ATP11C: variants seen among roughly 807,000 people sequenced by gnomAD.
ATP11C encodes the protein ATPase phospholipid transporting 11C (ATP11C blood group), also known as phospholipid-transporting ATPase IG.
Under a neutral mutation model 97.4 loss-of-function variants are expected in ATP11C, and 36 were observed. That is an observed-to-expected ratio of 0.37 (90% CI 0.28 to 0.49). The LOEUF is 0.49. ATP11C is among the 20% of genes least tolerant of loss of function. ATP11C has a pLI of 0.98. For missense variants in ATP11C, 730 were observed against 824.6 expected (o/e 0.89, Z 1.40); for synonymous variants, 275 against 290.9 (o/e 0.95, Z 0.56).
upstream of ATP11C, among the ~76,000 whole-genome samples, chrX:139,935,954 C>A (rs1418529874): frequency 9.1e-6 from 1 of 109,871 alleles, no homozygotes. Flanking sequence ...CAAGATCGCG[C>A]CAGTACACTC....
chrX:139,863,899 A>T (rs1362786350), intron 1 of ATP11C, among the ~76,000 whole-genome samples: 2 of 109,986 alleles, frequency 1.8e-5, no homozygotes, highest in East Asian at 5.8e-4. Flanking sequence ...TCGTCACTAT[A>T]AAAAGTACAA....
intron 18 of ATP11C, among the ~76,000 whole-genome samples, chrX:139,780,086 G>C (rs569646809): frequency 1.8e-5 from 2 of 111,508 alleles, no homozygotes; most frequent in African/African-American, 6.5e-5. Flanking sequence ...CCCAGGACCA[G>C]AGAGATTAAC....
At chrX:139,836,389 C>T (rs1029591908) in intron 1 of ATP11C, among the ~76,000 whole-genome samples, 18 of 110,205 alleles carry the variant, frequency 1.6e-4, no homozygotes, top group African/African-American at 5.6e-4. Flanking sequence ...GTCACAGGTG[C>T]CTGTAATCCC....
chrX:139,771,292 C>T (rs909019035), intron 19 of ATP11C, among the ~76,000 whole-genome samples: 1 of 111,626 alleles, frequency 9.0e-6, no homozygotes, highest in East Asian at 2.8e-4. Flanking sequence ...TTTTGCCTCT[C>T]GCCTTGATTC....
In ATP11C at chrX:139,932,522, C is replaced by A. The variant is rs1417229386; in HGVS notation, c.-480G>T. On this transcript the variant is annotated 5_prime_UTR_variant, in exon 1 of 30. Transcript: ENST00000682941. ...GCCTCCCCGCTGGACTCCGCGGCCG[C>A]CCCCCTCGGGGCACGGGGAACCCTC... is the stretch of plus-strand genomic sequence containing the variant. The A allele has an allele frequency of 9.0e-6, 1 of 110,847 alleles. No individual in the cohort carries two copies. Among genetic ancestry groups the A allele is most frequent in the Non-Finnish European group, 1.9e-5 (1 of 52,498 alleles). The allele number at this position is 110,847 out of a possible 1,213,427, so 9.1% of individuals were successfully genotyped here.
At chrX:139,870,928 C>T (rs2084363456) in intron 1 of ATP11C, among the ~76,000 whole-genome samples, 1 of 108,053 alleles carries the variant, frequency 9.3e-6, no homozygotes, top group Non-Finnish European at 1.9e-5. Context: ...CGGTGGCGGG[C>T]GCCTGTAGTC....
intron 1 of ATP11C, among the ~76,000 whole-genome samples, chrX:139,839,475 T>G (rs1222366857): frequency 9.0e-6 from 1 of 111,673 alleles, no homozygotes; most frequent in African/African-American, 3.3e-5. Flanking sequence ...CAACCAATAT[T>G]TATTGAGCTC....
At chrX:139,900,167 G>A (rs1273273836) in intron 1 of ATP11C, among the ~76,000 whole-genome samples, 3 of 110,631 alleles carry the variant, frequency 2.7e-5, no homozygotes, top group South Asian at 3.9e-4. Flanking sequence ...TCGAGAGATC[G>A]AGACCATCCT....
chrX:139,799,644 C>G (rs1334197117), intron 8 of ATP11C, among the ~76,000 whole-genome samples: 1 of 60,368 alleles, frequency 1.7e-5, no homozygotes, highest in Non-Finnish European at 2.7e-5. Context: ...CTTTATATTC[C>G]TTTTTTTTTT....
chrX:139,934,732 T>C (rs1188108516), upstream of ATP11C, among the ~76,000 whole-genome samples: 4 of 109,947 alleles, frequency 3.6e-5, no homozygotes, highest in Admixed American at 3.9e-4. Context: ...TTTGTATTTT[T>C]AGTAGAGACG....
chrX:139,764,944 G>A (rs935706824), intron 20 of ATP11C, among the ~76,000 whole-genome samples: 18 of 111,763 alleles, frequency 1.6e-4, no homozygotes, highest in African/African-American at 4.6e-4. Flanking sequence ...CTACAATAAT[G>A]GTTAACTAAG....
At chrX:139,881,907 C>T (rs1275085099) in intron 1 of ATP11C, among the ~76,000 whole-genome samples, 5 of 112,099 alleles carry the variant, frequency 4.5e-5, no homozygotes, top group Non-Finnish European at 9.4e-5. Flanking sequence ...TCCTTTCCCC[C>T]ACTGTTTTGC....
intron 1 of ATP11C, among the ~76,000 whole-genome samples, chrX:139,904,441 T>A (rs1242342206): frequency 9.0e-6 from 1 of 110,529 alleles, no homozygotes; most frequent in Non-Finnish European, 1.9e-5. Flanking sequence ...GGCAGGAGAA[T>A]AGCTTGAACC....
At chrX:139,898,973 C>T (rs774889430) in intron 1 of ATP11C, among the ~76,000 whole-genome samples, 24 of 111,641 alleles carry the variant, frequency 2.1e-4, no homozygotes, top group Non-Finnish European at 3.4e-4. Context: ...TTAACATTTA[C>T]CTTTGATATG....
chrX:139,828,184 G>T (rs1467841389), intron 1 of ATP11C, among the ~76,000 whole-genome samples: 3 of 111,778 alleles, frequency 2.7e-5, no homozygotes, highest in Middle Eastern at 4.6e-3. Context: ...GGATAGCTTA[G>T]TTATTTATCT....
intron 15 of ATP11C, 98 bp downstream of exon 15, chrX:139,787,075 T>A (rs1309404187): frequency 7.9e-6 from 9 of 1,137,190 alleles, no homozygotes; most frequent in Non-Finnish European, 8.3e-6. Flanking sequence ...GGGTCCTGTA[T>A]TTTTAGTGGC....
intron 1 of ATP11C, among the ~76,000 whole-genome samples, chrX:139,846,229 C>A (rs1464908248): frequency 1.8e-5 from 2 of 111,959 alleles, no homozygotes; most frequent in African/African-American, 6.5e-5. Flanking sequence ...CCAGTTGTTT[C>A]CAACCTGGTG....
At chrX:139,885,443 A>G (rs2084626540) in intron 1 of ATP11C, 3 of 111,492 alleles carry the variant, frequency 2.7e-5, no homozygotes, top group Admixed American at 1.9e-4. Context: ...TTGATAGCCT[A>G]AAAGACCAAA....
chrX:139,730,750 G>T (rs2081325647), intron 29 of ATP11C, among the ~76,000 whole-genome samples: 1 of 110,550 alleles, frequency 9.0e-6, no homozygotes, highest in Non-Finnish European at 1.9e-5. Context: ...TTTCCAAGCT[G>T]ACAAGCTTGG....
Sources: allele counts gnomAD v4.1 joint callset (sites outside exome capture counted in the v4.1 genomes callset), GRCh38; gene constraint gnomAD v4.1.1; transcripts MANE v1.5; gene names NCBI Gene and HGNC (gene_info 2026-07-23, HGNC 2026-07-21).